Variants in MECOM observed in about 807,000 individuals in gnomAD.
MECOM encodes the protein MDS1 and EVI1 complex locus, also known as histone-lysine N-methyltransferase MECOM.
Under a neutral mutation model 116.3 loss-of-function variants are expected in MECOM, and 13 were observed. The observed-to-expected ratio is 0.11, with a 90% CI of 0.07 to 0.18. The LOEUF (loss-of-function observed/expected upper bound fraction) is 0.18, where lower values mean the gene tolerates loss of function less well. Ranked by LOEUF, MECOM falls within the 10% of genes least tolerant of loss-of-function variation. The pLI is 1.00. For synonymous variants in MECOM, 528 were observed against 535.2 expected (o/e 0.99, Z 0.19); for missense variants, 1,299 against 1,509.0 (o/e 0.86, Z 2.31).
At chr3:169,149,617 C>A (rs1560283512) in intron 2 of MECOM, 2 of 459,184 alleles carry the variant, frequency 4.4e-6, no homozygotes, top group Non-Finnish European at 8.9e-6. Flanking sequence ...CGCGTCCTTC[C>A]GAGCTACGAG....
intron 1 of MECOM, among the ~76,000 whole-genome samples, chr3:169,598,160 A>AT (rs901730601): frequency 2.6e-5 from 4 of 152,168 alleles, no homozygotes; most frequent in Non-Finnish European, 5.9e-5. Flanking sequence ...CAAAAAATTC[A>AT]TTTTTCTCCT....
Position 169,116,564 on chromosome 3 carries a change from A to G in MECOM, c.1308T>C (p.Gly436=). 6.3e-7 allele frequency: 1 copy of G among 1,595,678 alleles called. No individual in the cohort carries two copies. Among genetic ancestry groups the G allele is most frequent in the Non-Finnish European group, 8.5e-7 (1 of 1,172,098 alleles). ...FCEGKNHFAA[G]GFFGQGISLP... is the part of the protein sequence containing the mutation. ...GTGAAATGCCTTGGCCAAAAAATCCACCTGCCGCAAAATGGTTCTTGCCCT... is the reference window on the plus strand; with the variant it reads ...GTGAAATGCCTTGGCCAAAAAATCCGCCTGCCGCAAAATGGTTCTTGCCCT... Residue 436 remains glycine, a synonymous_variant, in exon 8 of 17, where the codon GGT becomes GGC. Coordinates refer to ENST00000651503, the MANE Select transcript of MECOM (RefSeq NM_004991.4).
At chr3:169,304,315 T>C (rs1475021780) in intron 2 of MECOM, among the ~76,000 whole-genome samples, 2 of 152,252 alleles carry the variant, frequency 1.3e-5, no homozygotes, top group African/African-American at 2.4e-5. Flanking sequence ...TTGACTTACT[T>C]TGTATTTTGT....
At chr3:169,649,659 C>A (rs1225174113) in intron 1 of MECOM, among the ~76,000 whole-genome samples, 1 of 151,988 alleles carries the variant, frequency 6.6e-6, no homozygotes, top group African/African-American at 2.4e-5. Context: ...TTCATTAATT[C>A]AATTTGATTG....
chr3:169,544,230 C>T (rs991525652), intron 1 of MECOM, among the ~76,000 whole-genome samples: 1 of 152,234 alleles, frequency 6.6e-6, no homozygotes, highest in Non-Finnish European at 1.5e-5. Flanking sequence ...AAATGTGATA[C>T]TAACTTAATG....
At position 169,116,571 on chromosome 3, in the gene MECOM, G is replaced by T; in HGVS notation, c.1301C>A (p.Ala434Glu). Residue 434 changes from alanine to glutamate, a missense_variant, in exon 8 of 17, where the codon GCG (alanine) becomes GAG (glutamate). Ala to Glu is a moderately radical substitution (Grantham distance 107). Coordinates refer to ENST00000651503, the MANE Select transcript of MECOM (RefSeq NM_004991.4). ...GCCTTGGCCAAAAAATCCACCTGCC[G>T]CAAAATGGTTCTTGCCCTCACAAAA... is the stretch of plus-strand genomic sequence containing the variant. ...RRFCEGKNHF[A>E]AGGFFGQGIS... 6.2e-7 allele frequency: 1 copy of T among 1,614,136 alleles called. No homozygotes were observed. The highest frequency in any genetic ancestry group is 1.1e-5 in the South Asian group (1 of 91,080).
chr3:169,512,294 T>C (rs1756069284), intron 1 of MECOM, among the ~76,000 whole-genome samples: 1 of 152,210 alleles, frequency 6.6e-6, no homozygotes, highest in South Asian at 2.1e-4. Context: ...TCCTACTTAC[T>C]AACGCTCCCA....
At chr3:169,417,901 G>A (rs547386718) in intron 1 of MECOM, among the ~76,000 whole-genome samples, 176 of 150,984 alleles carry the variant, frequency 1.2e-3, no homozygotes, top group Middle Eastern at 3.4e-3. Context: ...GGTGGGAATC[G>A]AACAATGAGA....
chr3:169,216,651 C>G (rs1751459865), intron 2 of MECOM, among the ~76,000 whole-genome samples: 1 of 150,078 alleles, frequency 6.7e-6, no homozygotes, highest in South Asian at 2.1e-4. Flanking sequence ...CAATCTAGTA[C>G]ATTAAAATAA....
At chr3:169,488,445 C>T (rs1204258468) in intron 1 of MECOM, among the ~76,000 whole-genome samples, 3 of 150,764 alleles carry the variant, frequency 2.0e-5, no homozygotes, top group African/African-American at 4.9e-5. Flanking sequence ...ACTCAGGAGG[C>T]TGAGGCAGGA....
In MECOM at chr3:169,660,160, G is replaced by A. The variant is rs1776092159; in HGVS notation, c.37+3176C>T. On this transcript the variant is annotated intron_variant, in intron 1 of 16. Coordinates refer to ENST00000651503, the MANE Select transcript of MECOM (RefSeq NM_004991.4). ...CATAGCAACTGGCATTTCTGGCACG[G>A]CCCAGGTGCTGTCCTAGCTGCCCAA... Among the ~76,000 whole-genome samples the A allele has an allele frequency of 3.9e-5, 6 of 152,264 alleles. No individual in the cohort carries two copies. In the South Asian group the frequency reaches 1.2e-3, roughly 32 times the overall value.
chr3:169,450,826 T>C (rs1055571624), intron 1 of MECOM, among the ~76,000 whole-genome samples: 3 of 152,186 alleles, frequency 2.0e-5, no homozygotes, highest in Admixed American at 2.0e-4. Context: ...GGAGCTGTTA[T>C]TACAAATGAG....
At chr3:169,513,281 A>G (rs1178606991) in intron 1 of MECOM, among the ~76,000 whole-genome samples, 1 of 152,250 alleles carries the variant, frequency 6.6e-6, no homozygotes, top group Non-Finnish European at 1.5e-5. Context: ...AACCACATGC[A>G]CACAGTGAAG....
chr3:169,105,154 T>C (rs548180882), intron 10 of MECOM, among the ~76,000 whole-genome samples: 3 of 152,170 alleles, frequency 2.0e-5, no homozygotes, highest in African/African-American at 7.2e-5. Flanking sequence ...AAAGCCTTCG[T>C]TGAATCCTTC....
chr3:169,554,560 T>C (rs1426655167), intron 1 of MECOM, among the ~76,000 whole-genome samples: 2 of 152,210 alleles, frequency 1.3e-5, no homozygotes, highest in African/African-American at 4.8e-5. Flanking sequence ...TTAGTGTAAG[T>C]TTTCACTGTT....
At chr3:169,454,391 A>G (rs1000913445) in intron 1 of MECOM, among the ~76,000 whole-genome samples, 1 of 16,214 alleles carries the variant, frequency 6.2e-5, no homozygotes, top group African/African-American at 7.7e-5. Context: ...TTCTTTCAGG[A>G]AAAAAAAAAA....
At chr3:169,428,105 G>A (rs113918346) in intron 1 of MECOM, among the ~76,000 whole-genome samples, 32 of 152,100 alleles carry the variant, frequency 2.1e-4, no homozygotes, top group African/African-American at 3.9e-4. Context: ...GCTTGAACCC[G>A]AGAGGCAGAA....
intron 1 of MECOM, among the ~76,000 whole-genome samples, chr3:169,646,224 C>A (rs547464640): frequency 6.7e-6 from 1 of 149,096 alleles, no homozygotes; most frequent in African/African-American, 2.5e-5. Flanking sequence ...TGCCAAACAC[C>A]GCATGTTCTC....
intron 2 of MECOM, among the ~76,000 whole-genome samples, chr3:169,171,836 G>A (rs988880629): frequency 5.3e-5 from 8 of 151,920 alleles, no homozygotes; most frequent in African/African-American, 1.9e-4. Context: ...GAAAACTTTT[G>A]GCCTTACTTT....
Sources: allele counts gnomAD v4.1 joint callset (sites outside exome capture counted in the v4.1 genomes callset), GRCh38; gene constraint gnomAD v4.1.1; transcripts MANE v1.5; gene names NCBI Gene and HGNC (gene_info 2026-07-23, HGNC 2026-07-21).